The following CREM variants were observed in gnomAD, a reference collection of about 807,000 sequenced individuals.
The protein encoded by CREM is cAMP-responsive element modulator.
A neutral mutation model predicts 37.3 loss-of-function variants in CREM; 13 were observed. The observed-to-expected ratio is 0.35, with a 90% confidence interval of 0.23 to 0.55. The LOEUF (loss-of-function observed/expected upper bound fraction) is 0.55. Ranked by LOEUF, CREM falls within the 20% of genes least tolerant of loss-of-function variation. CREM has a pLI of 0.88. For missense variants in CREM, 296 were observed against 362.3 expected (o/e 0.82, Z 1.49); for synonymous variants, 124 against 120.2 (o/e 1.03, Z -0.21).
At chr10:35,161,821 CGGTG>C (rs1202245078) in intron 3 of CREM, among the ~76,000 whole-genome samples, 2 of 152,074 alleles carry the variant, frequency 1.3e-5, no homozygotes, top group South Asian at 2.1e-4. Context: ...TATACACTGA[CGGTG>C]GGAATGTAAA....
chr10:35,167,573 T>C (rs1438128457), intron 3 of CREM: 1 of 699,386 alleles, frequency 1.4e-6, no homozygotes, highest in Non-Finnish European at 2.4e-6. Flanking sequence ...TAGGTGCTAA[T>C]CAAATGCTGT....
At chr10:35,192,314 A>G in intron 6 of CREM, among the ~76,000 whole-genome samples, 1 of 152,022 alleles carries the variant, frequency 6.6e-6, no homozygotes, top group Non-Finnish European at 1.5e-5. Context: ...TGCCCCCAAC[A>G]TCTCCATTAC....
intron 3 of CREM, among the ~76,000 whole-genome samples, chr10:35,170,847 C>T (rs767948157): frequency 7.4e-4 from 112 of 152,168 alleles, no homozygotes; most frequent in Admixed American, 3.1e-3. Context: ...ATAAGGTTGA[C>T]GCTCTTGCTT....
At chr10:35,172,046 G>C (rs149291979) in intron 3 of CREM, among the ~76,000 whole-genome samples, 2 of 152,180 alleles carry the variant, frequency 1.3e-5, no homozygotes, top group Non-Finnish European at 2.9e-5. Flanking sequence ...TTGGAATCTG[G>C]AACTAAAGAT....
At chr10:35,199,268 A>G (rs1426056272) in intron 6 of CREM, among the ~76,000 whole-genome samples, 1 of 152,276 alleles carries the variant, frequency 6.6e-6, no homozygotes, top group African/African-American at 2.4e-5. Context: ...CTTAAGATTC[A>G]GTAAACCAAA....
intron 3 of CREM, among the ~76,000 whole-genome samples, chr10:35,175,306 C>CGTGGT (rs2094001715): frequency 6.6e-6 from 1 of 152,100 alleles, no homozygotes. Context: ...ATTAGCTGAG[C>CGTGGT]GTGGTGGCGG....
At chr10:35,153,493 T>G (rs1445580627) in intron 3 of CREM, among the ~76,000 whole-genome samples, 2 of 152,192 alleles carry the variant, frequency 1.3e-5, no homozygotes, top group Non-Finnish European at 2.9e-5. Flanking sequence ...AAATGTATGA[T>G]CTACTCTGAA....
intron 6 of CREM, among the ~76,000 whole-genome samples, chr10:35,205,951 T>C (rs1564997992): frequency 6.8e-6 from 1 of 147,140 alleles, no homozygotes; most frequent in Non-Finnish European, 1.5e-5. Context: ...TTAGTGAGAC[T>C]CTGTCTAAAA....
intron 5 of CREM, among the ~76,000 whole-genome samples, chr10:35,186,220 AT>A (rs1452650925): frequency 6.6e-6 from 1 of 152,180 alleles, no homozygotes; most frequent in Non-Finnish European, 1.5e-5. Flanking sequence ...TGTTTGAAGC[AT>A]GCAGTTGGAA....
Position 35,167,765 on chromosome 10 carries a change from A to G in CREM, c.169-11124A>G, listed in dbSNP as rs756706885. 1.4e-5 allele frequency: 23 copies of G among 1,614,022 alleles called. No individual in the cohort carries two copies. The Admixed American group carries it at 1.7e-4, about 12-fold the overall frequency. On this transcript the variant is annotated intron_variant, in intron 3 of 7. Transcript: ENST00000685392. ...GCATAATCTATGTTTCAGGCGTCCT[A>G]TAGAAGAGGATTATTCTTCAGGGGA... is the stretch of plus-strand genomic sequence containing the variant.
At chr10:35,127,742 C>T (rs1461120353) in intron 1 of CREM, among the ~76,000 whole-genome samples, 1 of 152,244 alleles carries the variant, frequency 6.6e-6, no homozygotes. Flanking sequence ...AGAGCCGCGA[C>T]CGCTCTCGGA....
At chr10:35,127,880 C>CT (rs1167254174) in intron 1 of CREM, among the ~76,000 whole-genome samples, 1 of 151,950 alleles carries the variant, frequency 6.6e-6, no homozygotes, top group Admixed American at 6.6e-5. Context: ...CGGAGTCTTG[C>CT]TGTTACCCAG....
chr10:35,137,418 T>C (rs912052778), intron 1 of CREM, among the ~76,000 whole-genome samples: 12 of 152,188 alleles, frequency 7.9e-5, no homozygotes, highest in African/African-American at 2.9e-4. Flanking sequence ...TTCTTAAAAA[T>C]AGAGCTGATA....
Position 35,173,722 on chromosome 10 carries a change from G to A in CREM, c.169-5167G>A, listed in dbSNP as rs1413321699. Among the ~76,000 whole-genome samples, 4 of 152,164 alleles carry A rather than the reference G, an allele frequency of 2.6e-5. No individual in the cohort carries two copies. The East Asian group carries it at 7.7e-4, about 29-fold the overall frequency. On this transcript the variant is annotated intron_variant, in intron 3 of 7. Coordinates refer to ENST00000685392, the MANE Select transcript of CREM (RefSeq NM_183011.2). Reference sequence around the variant, plus strand: ...CATTGGCAGCTTGAAATCAGCCATAGTAGGAGTACTTACATCACAGAAGTG... The same window carrying A: ...CATTGGCAGCTTGAAATCAGCCATAATAGGAGTACTTACATCACAGAAGTG...
intron 7 of CREM, among the ~76,000 whole-genome samples, chr10:35,209,977 C>T (rs569609008): frequency 6.6e-6 from 1 of 151,830 alleles, no homozygotes; most frequent in East Asian, 1.9e-4. Context: ...TCTTTTCCTG[C>T]AGTTCATTTG....
At chr10:35,204,310 A>G (rs2095464193) in intron 6 of CREM, among the ~76,000 whole-genome samples, 3 of 152,208 alleles carry the variant, frequency 2.0e-5, no homozygotes, top group Admixed American at 1.3e-4. Flanking sequence ...GTGATCATTA[A>G]TCACAATTAG....
intron 1 of CREM, among the ~76,000 whole-genome samples, chr10:35,137,446 G>T (rs2090735216): frequency 6.6e-6 from 1 of 152,078 alleles, no homozygotes; most frequent in Admixed American, 6.5e-5. Flanking sequence ...GCTATACTTA[G>T]TATTAGATGA....
intron 3 of CREM, among the ~76,000 whole-genome samples, chr10:35,156,280 A>G (rs544690970): frequency 3.7e-5 from 5 of 136,936 alleles, no homozygotes; most frequent in African/African-American, 1.1e-4. Flanking sequence ...ACAGAGTCTC[A>G]CTCTGTCACC....
chr10:35,190,628 GTAATAA>G (rs527368942), intron 6 of CREM, among the ~76,000 whole-genome samples: 2 of 151,766 alleles, frequency 1.3e-5, no homozygotes, highest in East Asian at 1.9e-4. Context: ...AATAGTAGTA[GTAATAA>G]TAATAATAAT....
Sources: gnomAD v4.1 joint callset for allele counts (sites outside exome capture counted in the v4.1 genomes callset) on GRCh38, gnomAD v4.1.1 for gene constraint, MANE v1.5 for transcripts, NCBI Gene and HGNC (gene_info 2026-07-23, HGNC 2026-07-21) for gene names.